GRAMD1B: variants seen among roughly 807,000 people sequenced by gnomAD.
GRAMD1B encodes the protein GRAM domain containing 1B, also known as protein Aster-B.
Under a neutral mutation model 99.7 loss-of-function variants are expected in GRAMD1B, and 37 were observed. The observed-to-expected ratio is 0.37, with a 90% confidence interval of 0.29 to 0.49. The LOEUF (loss-of-function observed/expected upper bound fraction) is 0.49. Among genes scored for constraint, GRAMD1B ranks in the 20% least tolerant of loss-of-function variants. GRAMD1B has a pLI of 0.98. For missense variants in GRAMD1B, 888 were observed against 1,009.2 expected (o/e 0.88, Z 1.63); for synonymous variants, 427 against 387.6 (o/e 1.10, Z -1.19).
chr11:123,518,825 C>T (rs765483541), intron 2 of GRAMD1B, among the ~76,000 whole-genome samples: 6 of 152,128 alleles, frequency 3.9e-5, no homozygotes, highest in East Asian at 1.9e-4. Flanking sequence ...AGGGGCAGAA[C>T]GAAGCTGAGT....
In GRAMD1B at chr11:123,441,187, T is replaced by C. The variant is rs375254578; in HGVS notation, c.374+10021T>C. On this transcript the variant is annotated intron_variant, in intron 1 of 19. Transcript: ENST00000635736. Reference sequence around the variant, plus strand: ...GGTGAGAAGTTGCAAGAAAGAGAGGTAGGGGTGTCAGGCTCCTTTTAACAA... The same window carrying C: ...GGTGAGAAGTTGCAAGAAAGAGAGGCAGGGGTGTCAGGCTCCTTTTAACAA... Among the ~76,000 whole-genome samples, 63 of 151,844 alleles carry C rather than the reference T, an allele frequency of 4.1e-4. 1 individual carries two copies. In the South Asian group the frequency reaches 0.013, roughly 31 times the overall value.
At chr11:123,524,016 T>G (rs1206724585) in intron 2 of GRAMD1B, among the ~76,000 whole-genome samples, 1 of 152,308 alleles carries the variant, frequency 6.6e-6, no homozygotes, top group South Asian at 2.1e-4. Context: ...CTTTCTTTCG[T>G]TTTTTACTTG....
At chr11:123,584,262 C>G (rs1949796970) in intron 3 of GRAMD1B, 50 bp from the exon 4 acceptor site, 2 of 961,732 alleles carry the variant, frequency 2.1e-6, no homozygotes, top group African/African-American at 1.7e-5. Flanking sequence ...GCCCTTCCCC[C>G]CATTTCTTCC....
chr11:123,621,771 G>A (rs773350143), intron 19 of GRAMD1B, among the ~76,000 whole-genome samples: 7 of 152,208 alleles, frequency 4.6e-5, no homozygotes, highest in Non-Finnish European at 5.9e-5. Flanking sequence ...GAGGCTCTTG[G>A]TAGCAGTTGA....
At chr11:123,463,137 T>A (rs1270131961) in intron 1 of GRAMD1B, among the ~76,000 whole-genome samples, 1 of 152,110 alleles carries the variant, frequency 6.6e-6, no homozygotes, top group African/African-American at 2.4e-5. Context: ...GCCTCCCGAG[T>A]AGCTGGAACT....
chr11:123,546,367 C>T (rs1945042081), intron 2 of GRAMD1B, among the ~76,000 whole-genome samples: 1 of 152,228 alleles, frequency 6.6e-6, no homozygotes, highest in Non-Finnish European at 1.5e-5. Flanking sequence ...CCTGGTTTTG[C>T]TCAACTACTA....
At chr11:123,588,701 A>G (rs1052964620) in intron 4 of GRAMD1B, among the ~76,000 whole-genome samples, 1 of 152,196 alleles carries the variant, frequency 6.6e-6, no homozygotes, top group Non-Finnish European at 1.5e-5. Context: ...GGCAGCAACC[A>G]GGTACTGACA....
chr11:123,608,653 G>T lies in GRAMD1B; in HGVS notation c.1514-6G>T. ...TGTCTACTTCCTGATCCTCTCTTCT[G>T]TGCAGGAGAGGTCCAGGCCTTCTAT... is the stretch of plus-strand genomic sequence containing the variant. On this transcript the variant is annotated splice_region_variant and splice_polypyrimidine_tract_variant and intron_variant, in intron 11 of 19. Coordinates refer to ENST00000635736, the MANE Select transcript of GRAMD1B (RefSeq NM_001387025.1). 6.3e-7 allele frequency: 1 copy of T among 1,577,656 alleles called. No homozygotes were observed. The highest frequency in any genetic ancestry group is 8.6e-7 in the Non-Finnish European group (1 of 1,160,706).
At chr11:123,618,885 C>G (rs1465904254) in intron 18 of GRAMD1B, 85 bp downstream of exon 18, 12 of 775,262 alleles carry the variant, frequency 1.5e-5, no homozygotes, top group South Asian at 1.5e-4. Flanking sequence ...GGGACTGCCT[C>G]ACTGCCCTTC....
intron 1 of GRAMD1B, among the ~76,000 whole-genome samples, chr11:123,359,272 T>C (rs561944036): frequency 4.3e-5 from 5 of 116,272 alleles, no homozygotes; most frequent in African/African-American, 2.1e-4. Flanking sequence ...CCCATCAGTC[T>C]TACGCCTATT....
intron 2 of GRAMD1B, among the ~76,000 whole-genome samples, chr11:123,502,086 A>G (rs1591729746): frequency 6.6e-6 from 1 of 152,284 alleles, no homozygotes; most frequent in Non-Finnish European, 1.5e-5. Flanking sequence ...GGAGTCCCTG[A>G]GGCTGCTGCT....
intron 2 of GRAMD1B, among the ~76,000 whole-genome samples, chr11:123,497,311 AG>A (rs1284945069): frequency 6.6e-6 from 1 of 152,212 alleles, no homozygotes; most frequent in East Asian, 1.9e-4. Context: ...AACTGAGAGT[AG>A]GGAAACAGAA....
At position 123,526,340 on chromosome 11, in the gene GRAMD1B, C is replaced by G. The variant is rs183614256; in HGVS notation, c.452+45447C>G. Among the ~76,000 whole-genome samples, 33 of 152,242 alleles carry G rather than the reference C, an allele frequency of 2.2e-4. No individual in the cohort carries two copies. In the East Asian group the frequency reaches 6.4e-3, roughly 29 times the overall value. Reference sequence around the variant, plus strand: ...AGTTGGGGTACTCTCCCTGGCTCCCCCAGCTGCTGCACTGCTGCACTATTT... The same window carrying G: ...AGTTGGGGTACTCTCCCTGGCTCCCGCAGCTGCTGCACTGCTGCACTATTT... On this transcript the variant is annotated intron_variant, in intron 2 of 19. Transcript: ENST00000635736.
chr11:123,496,836 C>T (rs1439957241), intron 2 of GRAMD1B, among the ~76,000 whole-genome samples: 1 of 152,044 alleles, frequency 6.6e-6, no homozygotes, highest in Non-Finnish European at 1.5e-5. Context: ...AAATTTATCT[C>T]ATAGAATTCT....
At chr11:123,541,625 C>T (rs1944540431) in intron 2 of GRAMD1B, among the ~76,000 whole-genome samples, 1 of 150,996 alleles carries the variant, frequency 6.6e-6, no homozygotes, top group Non-Finnish European at 1.5e-5. Context: ...AGATATTAAC[C>T]TTTGGTAATA....
At chr11:123,387,245 T>A (rs1391355897) in intron 1 of GRAMD1B, among the ~76,000 whole-genome samples, 2 of 152,174 alleles carry the variant, frequency 1.3e-5, no homozygotes, top group African/African-American at 2.4e-5. Flanking sequence ...TGGCTCTGGA[T>A]GTGAAGTATC....
At chr11:123,375,044 A>G (rs1381757043) in intron 1 of GRAMD1B, among the ~76,000 whole-genome samples, 1 of 152,206 alleles carries the variant, frequency 6.6e-6, no homozygotes, top group Non-Finnish European at 1.5e-5. Flanking sequence ...AACTTTTACT[A>G]TGTGCCAAAC....
rs76828087 is a variant in GRAMD1B at position 123,601,064 on chromosome 11, G to A, written c.1050+516G>A. Among the ~76,000 whole-genome samples the A allele has an allele frequency of 5.9e-5, 9 of 152,170 alleles. No homozygotes were observed. The East Asian group carries it at 1.5e-3, about 26-fold the overall frequency. On this transcript the variant is annotated intron_variant, in intron 8 of 19. Transcript: ENST00000635736. ...AGGGACTGTCTTAAGTTGCCTGGAA[G>A]CTTGGAAGCTATAATAGAGAATGGG...
Position 123,623,495 on chromosome 11 carries a change from G to A in GRAMD1B, c.*900G>A, listed in dbSNP as rs1955331159. On this transcript the variant is annotated 3_prime_UTR_variant, in exon 20 of 20. Coordinates refer to ENST00000635736, the MANE Select transcript of GRAMD1B (RefSeq NM_001387025.1). ...GTGCTTCTAAGCAAGTCAGGTCTGTGGCTCTGAGGCCTTCACTTAGAGCTG... is the reference window on the plus strand; with the variant it reads ...GTGCTTCTAAGCAAGTCAGGTCTGTAGCTCTGAGGCCTTCACTTAGAGCTG... 6.6e-6 allele frequency: 1 copy of A among 152,214 alleles called. No homozygotes were observed. The highest frequency in any genetic ancestry group is 2.4e-5 in the African/African-American group (1 of 41,418). 9.4% of individuals were successfully genotyped at this position (152,214 alleles called of 1,614,324 possible).
Sources: allele counts gnomAD v4.1 joint callset (sites outside exome capture counted in the v4.1 genomes callset), GRCh38; gene constraint gnomAD v4.1.1; transcripts MANE v1.5; gene names NCBI Gene and HGNC (gene_info 2026-07-23, HGNC 2026-07-21).